Variants in ADAMTSL1 observed in about 807,000 individuals in gnomAD.
ADAMTSL1 encodes the protein ADAMTS like 1.
In ADAMTSL1, 126 loss-of-function variants were observed where a neutral mutation model predicts 201.8. The observed-to-expected ratio is 0.62, with a 90% confidence interval of 0.54 to 0.72. ADAMTSL1 has a LOEUF of 0.72. ADAMTSL1 is among the 30% of genes least tolerant of loss of function. The probability of loss-of-function intolerance (pLI) is 0.00; values close to 1 mark genes in which losing one functional copy is unlikely to be tolerated. For synonymous variants in ADAMTSL1, 1,121 were observed against 903.4 expected (o/e 1.24, Z -4.32); for missense variants, 2,679 against 2,277.8 (o/e 1.18, Z -3.59).
At chr9:18,347,802 C>T (rs759688459) in intron 2 of ADAMTSL1, among the ~76,000 whole-genome samples, 1 of 152,112 alleles carries the variant, frequency 6.6e-6, no homozygotes, top group African/African-American at 2.4e-5. Flanking sequence ...TTGTTTCAAG[C>T]ACTGCTTTGT....
intron 1 of ADAMTSL1, among the ~76,000 whole-genome samples, chr9:18,061,112 T>C (rs1822434696): frequency 6.6e-6 from 1 of 152,142 alleles, no homozygotes; most frequent in Admixed American, 6.6e-5. Flanking sequence ...ATCCTGTCCC[T>C]CTCAAGGCAG....
At chr9:18,554,819 A>C (rs1163291816) in intron 3 of ADAMTSL1, among the ~76,000 whole-genome samples, 1 of 151,624 alleles carries the variant, frequency 6.6e-6, no homozygotes, top group African/African-American at 2.4e-5. Context: ...CCCACTATCA[A>C]TGTCCTGTCC....
chr9:18,869,920 A>G (rs982056721), intron 23 of ADAMTSL1, among the ~76,000 whole-genome samples: 6 of 152,106 alleles, frequency 3.9e-5, no homozygotes, highest in African/African-American at 1.4e-4. Context: ...AATTAGACAT[A>G]TATTAGACCT....
At chr9:18,641,244 C>T (rs1332849003) in intron 7 of ADAMTSL1, among the ~76,000 whole-genome samples, 1 of 151,982 alleles carries the variant, frequency 6.6e-6, no homozygotes, top group African/African-American at 2.4e-5. Flanking sequence ...TTGACTCTAC[C>T]CCAAATTTCT....
chr9:18,704,192 C>T (rs576703501), intron 13 of ADAMTSL1, among the ~76,000 whole-genome samples: 7 of 152,278 alleles, frequency 4.6e-5, no homozygotes, highest in Admixed American at 4.6e-4. Flanking sequence ...TATTGGAACA[C>T]AGCCACACTA....
chr9:18,819,465 A>C (rs1252824254), intron 21 of ADAMTSL1, among the ~76,000 whole-genome samples: 1 of 152,000 alleles, frequency 6.6e-6, no homozygotes, highest in East Asian at 1.9e-4. Context: ...CAAAAAAAAA[A>C]AAAAAATAGG....
chr9:18,100,123 T>C (rs1393354048), intron 1 of ADAMTSL1, among the ~76,000 whole-genome samples: 1 of 152,208 alleles, frequency 6.6e-6, no homozygotes, highest in African/African-American at 2.4e-5. Context: ...TGTTTTTATG[T>C]AGATTGTTAC....
chr9:18,617,547 G>C (rs1202429442), intron 4 of ADAMTSL1, among the ~76,000 whole-genome samples: 1 of 151,834 alleles, frequency 6.6e-6, no homozygotes, highest in Non-Finnish European at 1.5e-5. Flanking sequence ...CCTCCCTTTA[G>C]TAAATCTGAA....
intron 1 of ADAMTSL1, among the ~76,000 whole-genome samples, chr9:18,110,648 G>C (rs889091295): frequency 6.6e-6 from 1 of 152,078 alleles, no homozygotes; most frequent in Non-Finnish European, 1.5e-5. Context: ...TCTTTTCTTG[G>C]TGACTACCAA....
chr9:18,900,139 C>T (rs559082993), intron 26 of ADAMTSL1, among the ~76,000 whole-genome samples: 2 of 152,194 alleles, frequency 1.3e-5, no homozygotes, highest in East Asian at 3.9e-4. Flanking sequence ...AGACAGTTCT[C>T]AAAAGAAGAC....
chr9:18,507,950 C>G (rs1587407304), intron 2 of ADAMTSL1, among the ~76,000 whole-genome samples: 2 of 152,002 alleles, frequency 1.3e-5, no homozygotes, highest in African/African-American at 4.8e-5. Context: ...TTTGGGAGGC[C>G]GAGGCGGGTG....
rs1278952461 is a variant in ADAMTSL1, at chr9:18,843,323, G to A, written c.4249+13346G>A. 2.0e-5 allele frequency among the ~76,000 whole-genome samples: 3 copies of A among 150,810 alleles called. 1 individual carries two copies. The highest frequency in any genetic ancestry group is 7.5e-5 in the African/African-American group (3 of 40,160). ...TAGTTTGCCTGGATATAAAATTCTG[G>A]GTTGAAAATTCTTTTCTTTAAGAAT... On this transcript the variant is annotated intron_variant, in intron 23 of 28. Coordinates refer to ENST00000380548, the MANE Select transcript of ADAMTSL1 (RefSeq NM_001040272.6).
At chr9:17,974,776 C>G (rs1366969897) in intron 1 of ADAMTSL1, among the ~76,000 whole-genome samples, 1 of 152,012 alleles carries the variant, frequency 6.6e-6, no homozygotes, top group South Asian at 2.1e-4. Context: ...CTAATGCACT[C>G]GTCTGTTGAA....
chr9:18,504,701 C>G (rs1033388702), intron 1 of ADAMTSL1, 128 bp from the exon 2 acceptor site: 2 of 1,292,976 alleles, frequency 1.5e-6, no homozygotes, highest in Non-Finnish European at 2.2e-6. Context: ...ATCCGAGAAT[C>G]TGATTGCGCG....
At chr9:18,527,462 C>T (rs929774814) in intron 2 of ADAMTSL1, among the ~76,000 whole-genome samples, 2 of 152,106 alleles carry the variant, frequency 1.3e-5, no homozygotes, top group South Asian at 2.1e-4. Context: ...AGTAAAGGAG[C>T]GATAAATCAA....
intron 15 of ADAMTSL1, among the ~76,000 whole-genome samples, chr9:18,752,206 C>G (rs529640492): frequency 2.0e-5 from 3 of 152,094 alleles, no homozygotes; most frequent in African/African-American, 7.2e-5. Flanking sequence ...TATGGCTAAG[C>G]TTAGTGTAGA....
At chr9:18,812,575 T>G (rs1823568750) in intron 20 of ADAMTSL1, among the ~76,000 whole-genome samples, 1 of 152,240 alleles carries the variant, frequency 6.6e-6, no homozygotes, top group Admixed American at 6.5e-5. Context: ...TTTTTGCTTT[T>G]GTTGCCTATG....
intron 2 of ADAMTSL1, among the ~76,000 whole-genome samples, chr9:18,172,041 G>A (rs201363087): frequency 4.8e-5 from 7 of 145,136 alleles, no homozygotes; most frequent in Non-Finnish European, 1.0e-4. Context: ...GAAAACCAAA[G>A]ACAGCATGTT....
chr9:18,737,826 C>A (rs1331419884), intron 15 of ADAMTSL1, among the ~76,000 whole-genome samples: 1 of 152,160 alleles, frequency 6.6e-6, no homozygotes, highest in Non-Finnish European at 1.5e-5. Flanking sequence ...CAATTTTGAG[C>A]TCAGTGTTTA....
Sources: allele counts gnomAD v4.1 joint callset (sites outside exome capture counted in the v4.1 genomes callset), GRCh38; gene constraint gnomAD v4.1.1; transcripts MANE v1.5; gene names NCBI Gene and HGNC (gene_info 2026-07-23, HGNC 2026-07-21).